Variants in NTN1 observed in about 807,000 individuals in gnomAD.
The protein encoded by NTN1 is netrin 1.
NTN1 carries 11 observed loss-of-function variants against 54.2 expected under a neutral mutation model. That is an observed-to-expected ratio of 0.20 (90% CI 0.13 to 0.34). The LOEUF is 0.34. Ranked by LOEUF, NTN1 falls within the 10% of genes least tolerant of loss-of-function variation. The pLI is 1.00. For synonymous variants in NTN1, 371 were observed against 382.0 expected (o/e 0.97, Z 0.33); for missense variants, 740 against 893.1 (o/e 0.83, Z 2.18).
At chr17:9,088,552 G>A (rs1033901589) in intron 2 of NTN1, among the ~76,000 whole-genome samples, 17 of 152,152 alleles carry the variant, frequency 1.1e-4, no homozygotes, top group Admixed American at 1.0e-3. Flanking sequence ...ACAGACGGAT[G>A]GGTGGATGGG....
chr17:9,083,710 C>A (rs56978822), intron 2 of NTN1, among the ~76,000 whole-genome samples: 15,362 of 152,118 alleles, frequency 0.1, 1,331 homozygotes, highest in African/African-American at 0.23. Context: ...ATTGAGACCA[C>A]GAAGGCATAG....
rs894633715 is a variant in NTN1 at position 9,209,246 on chromosome 17, A to G, written c.1412-11922A>G. ...GACCCCAGATCATAGGTTGGATGTG[A>G]ACCCTTTCCCTGCAGCCCTGCTCAG... On this transcript the variant is annotated intron_variant, in intron 5 of 6. Transcript: ENST00000173229. Among the ~76,000 whole-genome samples, 20 of 152,220 alleles carry G rather than the reference A, an allele frequency of 1.3e-4. 1 individual carries two copies. Among genetic ancestry groups the G allele is most frequent in the Admixed American group, 1.2e-3 (19 of 15,282 alleles).
At chr17:9,179,418 C>T (rs1158025318) in intron 3 of NTN1, among the ~76,000 whole-genome samples, 2 of 152,166 alleles carry the variant, frequency 1.3e-5, no homozygotes, top group Non-Finnish European at 1.5e-5. Context: ...AGAGTGAAAA[C>T]GCATAAGCCG....
At chr17:9,036,841 C>T (rs1446830674) in intron 2 of NTN1, among the ~76,000 whole-genome samples, 1 of 152,184 alleles carries the variant, frequency 6.6e-6, no homozygotes, top group Non-Finnish European at 1.5e-5. Flanking sequence ...CCCTACCCCT[C>T]CACTGGGGTT....
At position 9,221,154 on chromosome 17, in the gene NTN1, C is replaced by A. The variant is rs776034980; in HGVS notation, c.1412-14C>A. On this transcript the variant is annotated splice_polypyrimidine_tract_variant and intron_variant, in intron 5 of 6. Transcript: ENST00000173229. The surrounding 1 kb of genome is among the most constrained non-coding windows in gnomAD (Gnocchi z 4.5). ...ATTAGTTTTTGTCTGTGCTCCCCCC[C>A]CACCCCCCTGCAGACTGCGATTCCT... 10 of 1,557,900 alleles carry A rather than the reference C, an allele frequency of 6.4e-6. No homozygotes were observed. Among genetic ancestry groups the A allele is most frequent in the Admixed American group, 3.4e-5 (2 of 59,174 alleles).
intron 5 of NTN1, among the ~76,000 whole-genome samples, chr17:9,201,034 C>T (rs1441229079): frequency 6.6e-6 from 1 of 152,006 alleles, no homozygotes; most frequent in African/African-American, 2.4e-5. Context: ...GCACAGATGG[C>T]AGATAATAGA....
chr17:9,204,456 G>A (rs1009054657), intron 5 of NTN1, among the ~76,000 whole-genome samples: 13 of 151,866 alleles, frequency 8.6e-5, no homozygotes, highest in Non-Finnish European at 4.4e-5. Context: ...ACCACACCCT[G>A]CTAAGTTTTG....
chr17:9,232,748 C>G (rs186805758), intron 6 of NTN1, among the ~76,000 whole-genome samples: 4 of 152,142 alleles, frequency 2.6e-5, no homozygotes, highest in Non-Finnish European at 4.4e-5. Context: ...CCCCCCGTCC[C>G]GGGTGTGGCG....
chr17:9,173,145 G>A (rs1411134556), intron 3 of NTN1: 11 of 152,198 alleles, frequency 7.2e-5, no homozygotes, highest in African/African-American at 2.7e-4. Flanking sequence ...CCCCTCCCCT[G>A]GTCTCTCTGT....
intron 2 of NTN1, among the ~76,000 whole-genome samples, chr17:9,029,416 A>G (rs576531416): frequency 2.0e-5 from 3 of 152,280 alleles, no homozygotes; most frequent in Non-Finnish European, 4.4e-5. Flanking sequence ...GCATGCAGAG[A>G]GAGCAGGGGG....
chr17:9,109,918 T>A (rs2092184331), intron 2 of NTN1, among the ~76,000 whole-genome samples: 1 of 152,266 alleles, frequency 6.6e-6, no homozygotes, highest in African/African-American at 2.4e-5. Context: ...TTTCCTTTGC[T>A]GTGACATGCA....
At chr17:9,015,870 A>G in the NTN1 span, among the ~76,000 whole-genome samples, 1 of 152,298 alleles carries the variant, frequency 6.6e-6, no homozygotes, top group Non-Finnish European at 1.5e-5. Flanking sequence ...CAGAAGCTCG[A>G]GACCAGCCTG....
chr17:9,161,059 G>C (rs1022900637), intron 2 of NTN1, among the ~76,000 whole-genome samples: 1 of 152,260 alleles, frequency 6.6e-6, no homozygotes, highest in African/African-American at 2.4e-5. Context: ...TGGAGTGAAC[G>C]AGAAGAGGCC....
chr17:9,218,369 C>G (rs143027040), intron 5 of NTN1, among the ~76,000 whole-genome samples: 1 of 152,192 alleles, frequency 6.6e-6, no homozygotes. Context: ...ACCGTGAGAA[C>G]AGTGCCCAGC....
chr17:9,011,154 G>T, the NTN1 span, among the ~76,000 whole-genome samples: 1 of 152,168 alleles, frequency 6.6e-6, no homozygotes, highest in Non-Finnish European at 1.5e-5. Flanking sequence ...TAATGCGAGC[G>T]ATGGGGAGTG....
chr17:9,130,881 A>T (rs1019622744), intron 2 of NTN1, among the ~76,000 whole-genome samples: 1 of 152,098 alleles, frequency 6.6e-6, no homozygotes, highest in Non-Finnish European at 1.5e-5. Flanking sequence ...TTCTCTCTTG[A>T]TTCTCTGAGT....
chr17:9,161,969 G>A (rs1024527022), intron 2 of NTN1, among the ~76,000 whole-genome samples: 2 of 110,364 alleles, frequency 1.8e-5, no homozygotes, highest in Admixed American at 8.5e-5. Context: ...GGAGTTGGGA[G>A]CACAGAGATG....
At chr17:9,235,844 T>C (rs1223556904) in intron 6 of NTN1, among the ~76,000 whole-genome samples, 1 of 151,106 alleles carries the variant, frequency 6.6e-6, no homozygotes. Flanking sequence ...AACCTCTGCC[T>C]CTTGGGCTCA....
At chr17:9,196,698 G>T (rs976993691) in intron 5 of NTN1, among the ~76,000 whole-genome samples, 1 of 152,244 alleles carries the variant, frequency 6.6e-6, no homozygotes, top group African/African-American at 2.4e-5. Flanking sequence ...AGAGAGGTCA[G>T]TGCCTTCCTA....
Sources: allele counts gnomAD v4.1 joint callset (sites outside exome capture counted in the v4.1 genomes callset), GRCh38; gene constraint gnomAD v4.1.1; non-coding constraint Gnocchi (gnomAD v3.1); transcripts MANE v1.5; gene names NCBI Gene and HGNC (gene_info 2026-07-23, HGNC 2026-07-21).